Variants in CPNE5 observed in about 807,000 individuals in gnomAD.
CPNE5 encodes the protein copine-5.
In CPNE5, 42 loss-of-function variants were observed where a neutral mutation model predicts 81.1. The ratio of observed to expected loss-of-function variants is 0.52; its 90% CI spans 0.40 to 0.67. CPNE5 has a LOEUF of 0.67. CPNE5 is among the 30% of genes least tolerant of loss of function. CPNE5 has a pLI of 0.00. For missense variants in CPNE5, 612 were observed against 815.5 expected (o/e 0.75, Z 3.04); for synonymous variants, 313 against 321.5 (o/e 0.97, Z 0.28).
intron 1 of CPNE5, among the ~76,000 whole-genome samples, chr6:36,830,383 A>G (rs959049206): frequency 6.6e-6 from 1 of 152,088 alleles, no homozygotes; most frequent in African/African-American, 2.4e-5. Context: ...CAGCTCCCAG[A>G]CCTAAAAGGC....
chr6:36,828,326 A>G (rs1318912502), intron 1 of CPNE5, among the ~76,000 whole-genome samples: 16 of 151,506 alleles, frequency 1.1e-4, no homozygotes, highest in Non-Finnish European at 1.3e-4. Context: ...AAAAAAAAAA[A>G]AAAGAAAGGT....
At chr6:36,792,478 C>A (rs1466166025) in intron 7 of CPNE5, 1 of 1,054,986 alleles carries the variant, frequency 9.5e-7, no homozygotes, top group African/African-American at 1.6e-5. Context: ...GGCTAGCCAC[C>A]CCACCTCACA....
At chr6:36,768,936 A>G (rs1219891030) in intron 10 of CPNE5, among the ~76,000 whole-genome samples, 1 of 152,146 alleles carries the variant, frequency 6.6e-6, no homozygotes, top group African/African-American at 2.4e-5. Context: ...ATTGAGAAAA[A>G]TCACAGCCAC....
chr6:36,769,772 C>T (rs969633728), intron 10 of CPNE5, among the ~76,000 whole-genome samples: 3 of 152,206 alleles, frequency 2.0e-5, no homozygotes, highest in Non-Finnish European at 2.9e-5. Flanking sequence ...GAGAACGGTA[C>T]GATGCCCTTC....
In CPNE5 at chr6:36,768,225, C is replaced by CTTTTTTTCTTTT. The variant is rs527797208; in HGVS notation, c.738-2850_738-2849insAAAAGAAAAAAA. On this transcript the variant is annotated intron_variant, in intron 10 of 20. Coordinates refer to ENST00000244751, the MANE Select transcript of CPNE5 (RefSeq NM_020939.2). ...GGCTTTGACTACTCTATTCACAGTTCTTTTTTTTTTTTTTTTTTTTTTTTT... is the reference window on the plus strand; with the variant it reads ...GGCTTTGACTACTCTATTCACAGTTCTTTTTTTCTTTTTTTTTTTTTTTTTTTTTTTTTTTTT... 1.7e-4 allele frequency among the ~76,000 whole-genome samples: 10 copies of CTTTTTTTCTTTT among 60,514 alleles called. 3 individuals are homozygous for CTTTTTTTCTTTT. The highest frequency in any genetic ancestry group is 1.2e-3 in the East Asian group (2 of 1,720). The allele number at this position is 60,514 out of a possible 152,430, so 39.7% of individuals were successfully genotyped here.
intron 1 of CPNE5, 79 bp from the exon 2 acceptor site, chr6:36,823,177 G>T: frequency 7.9e-7 from 1 of 1,263,186 alleles, no homozygotes; most frequent in South Asian, 1.8e-5. Flanking sequence ...CTGTTACCGA[G>T]ACCCAGAGGC....
intron 14 of CPNE5, among the ~76,000 whole-genome samples, chr6:36,749,126 G>T (rs891259483): frequency 6.6e-6 from 1 of 151,692 alleles, no homozygotes; most frequent in Admixed American, 6.6e-5. Flanking sequence ...TGCAGAGATG[G>T]GGTCTCATTA....
chr6:36,794,718 C>G, intron 6 of CPNE5, 69 bp from the exon 7 acceptor site: 1 of 1,416,626 alleles, frequency 7.1e-7, no homozygotes, highest in Non-Finnish European at 9.9e-7. Context: ...GGCCAGCGCA[C>G]TTGGCATCCA....
At chr6:36,749,248 C>T (rs35915709) in intron 14 of CPNE5, among the ~76,000 whole-genome samples, 38,097 of 151,878 alleles carry the variant, frequency 0.25, 4,863 homozygotes, top group African/African-American at 0.31. Flanking sequence ...ATATTAGATT[C>T]TCTTGGTGGG....
At chr6:36,833,505 A>T (rs1052817955) in intron 1 of CPNE5, among the ~76,000 whole-genome samples, 5 of 152,062 alleles carry the variant, frequency 3.3e-5, no homozygotes, top group Non-Finnish European at 7.4e-5. Flanking sequence ...TTTACATAAG[A>T]CTCTGTCATA....
chr6:36,792,537 G>C, intron 7 of CPNE5: 2 of 534,780 alleles, frequency 3.7e-6, no homozygotes, highest in South Asian at 1.5e-5. Flanking sequence ...GAGCCACTCT[G>C]ATGTGTCACG....
intron 8 of CPNE5, among the ~76,000 whole-genome samples, chr6:36,790,826 A>G (rs1769026775): frequency 6.6e-6 from 1 of 152,190 alleles, no homozygotes; most frequent in African/African-American, 2.4e-5. Flanking sequence ...TACAGGCGTG[A>G]GCCACCGTGC....
At chr6:36,810,320 C>T (rs1279100568) in intron 3 of CPNE5, among the ~76,000 whole-genome samples, 20 of 152,190 alleles carry the variant, frequency 1.3e-4, no homozygotes. Flanking sequence ...TCACAAGCTG[C>T]TCACCCTTCC....
chr6:36,802,777 C>T (rs1371725953), intron 3 of CPNE5, among the ~76,000 whole-genome samples: 4 of 151,992 alleles, frequency 2.6e-5, no homozygotes, highest in South Asian at 2.1e-4. Flanking sequence ...GGGTTGGGTG[C>T]GGTGGCTAAC....
intron 1 of CPNE5, among the ~76,000 whole-genome samples, chr6:36,823,362 TTGG>T (rs1342362779): frequency 1.3e-5 from 2 of 152,230 alleles, no homozygotes; most frequent in Non-Finnish European, 2.9e-5. Context: ...TGCCCTGGTC[TTGG>T]TGCCCTGTGT....
At chr6:36,791,971 C>T in intron 8 of CPNE5, 62 bp downstream of exon 8, 1 of 1,455,608 alleles carries the variant, frequency 6.9e-7, no homozygotes, top group South Asian at 1.1e-5. Context: ...TCAGGGAGGC[C>T]AGCCTGCACT....
At chr6:36,773,489 G>A (rs12198605) in intron 10 of CPNE5, among the ~76,000 whole-genome samples, 17,655 of 152,278 alleles carry the variant, frequency 0.12, 1,475 homozygotes, top group Non-Finnish European at 0.17. Context: ...TAGGTTGGGT[G>A]AAGGGTGAAG....
At chr6:36,798,845 T>TC (rs1431108514) in intron 4 of CPNE5, among the ~76,000 whole-genome samples, 4 of 152,176 alleles carry the variant, frequency 2.6e-5, no homozygotes, top group Non-Finnish European at 4.4e-5. Context: ...TACCTTTCAC[T>TC]CCCTTCACTT....
At position 36,800,830 on chromosome 6, in the gene CPNE5, G is replaced by A. The variant is rs539241041; in HGVS notation, c.184-760C>T. 6.6e-5 allele frequency among the ~76,000 whole-genome samples: 10 copies of A among 152,324 alleles called. No homozygotes were observed. In the East Asian group the frequency reaches 7.7e-4, roughly 12 times the overall value. ...GTTGTGAGCTGCCTTATGAAGGGGCGGCAAGGAAAGGATGAGGCCCCAGGC... is the reference window on the plus strand; with the variant it reads ...GTTGTGAGCTGCCTTATGAAGGGGCAGCAAGGAAAGGATGAGGCCCCAGGC... On this transcript the variant is annotated intron_variant, in intron 3 of 20. Coordinates refer to ENST00000244751, the MANE Select transcript of CPNE5 (RefSeq NM_020939.2).
Sources: allele counts gnomAD v4.1 joint callset (sites outside exome capture counted in the v4.1 genomes callset), GRCh38; gene constraint gnomAD v4.1.1; transcripts MANE v1.5; gene names NCBI Gene and HGNC (gene_info 2026-07-23, HGNC 2026-07-21).